The following NBEA variants were observed in gnomAD, a reference collection of about 807,000 sequenced individuals.
NBEA encodes the protein lysosomal-trafficking regulator 2.
A neutral mutation model predicts 343.4 loss-of-function variants in NBEA; 44 were observed. That is an observed-to-expected ratio of 0.13 (90% CI 0.10 to 0.16). The LOEUF is 0.16. Ranked by LOEUF, NBEA falls within the 10% of genes least tolerant of loss-of-function variation. The probability of loss-of-function intolerance (pLI) is 1.00; values close to 1 mark genes in which losing one functional copy is unlikely to be tolerated. For missense variants in NBEA, 2,555 were observed against 3,631.3 expected (o/e 0.70, Z 7.62); for synonymous variants, 1,175 against 1,238.7 (o/e 0.95, Z 1.08).
At chr13:35,150,715 A>G (rs1593518027) in intron 18 of NBEA, among the ~76,000 whole-genome samples, 2 of 152,302 alleles carry the variant, frequency 1.3e-5, no homozygotes, top group East Asian at 1.9e-4. Context: ...CAGAATAAAT[A>G]TTACTACAAC....
intron 44 of NBEA, among the ~76,000 whole-genome samples, chr13:35,556,969 T>G (rs1436940531): frequency 6.6e-6 from 1 of 152,114 alleles, no homozygotes; most frequent in Non-Finnish European, 1.5e-5. Context: ...CTGTATTAGG[T>G]TTTTATATTA....
At chr13:34,993,038 T>C (rs954995014) in intron 1 of NBEA, among the ~76,000 whole-genome samples, 1 of 152,130 alleles carries the variant, frequency 6.6e-6, no homozygotes, top group East Asian at 1.9e-4. Flanking sequence ...CCAATGAGTC[T>C]CATCTCCTGC....
At chr13:35,409,203 A>G (rs989438590) in intron 38 of NBEA, among the ~76,000 whole-genome samples, 3 of 152,188 alleles carry the variant, frequency 2.0e-5, no homozygotes, top group African/African-American at 7.2e-5. Flanking sequence ...GGGGACTTCG[A>G]TAGAGCTGGA....
intron 41 of NBEA, among the ~76,000 whole-genome samples, chr13:35,481,553 A>G (rs1290135437): frequency 2.0e-5 from 3 of 151,916 alleles, no homozygotes; most frequent in African/African-American, 4.8e-5. Context: ...ATTTAAGGAC[A>G]ATGAAGTTAG....
At chr13:35,584,188 A>G (rs968647171) in intron 46 of NBEA, 150 bp downstream of exon 46, 21 of 879,342 alleles carry the variant, frequency 2.4e-5, no homozygotes, top group Middle Eastern at 2.6e-4. Context: ...GCAAAATATG[A>G]ATTTTTTTTA....
chr13:35,119,151 G>T (rs573574942), intron 16 of NBEA, among the ~76,000 whole-genome samples: 1 of 152,290 alleles, frequency 6.6e-6, no homozygotes, highest in Non-Finnish European at 1.5e-5. Flanking sequence ...CAATTGAAAT[G>T]TAACTTGGTA....
intron 10 of NBEA, among the ~76,000 whole-genome samples, chr13:35,093,682 G>A (rs1229924582): frequency 6.6e-6 from 1 of 151,918 alleles, no homozygotes; most frequent in African/African-American, 2.4e-5. Flanking sequence ...TAGAACTTAA[G>A]TTCTCCTTAG....
chr13:35,229,639 T>G (rs2074858471), intron 33 of NBEA, among the ~76,000 whole-genome samples: 1 of 152,260 alleles, frequency 6.6e-6, no homozygotes, highest in East Asian at 1.9e-4. Flanking sequence ...AAAAGGAGTT[T>G]TACATTGTGT....
intron 24 of NBEA, chr13:35,165,039 T>G: frequency 1.9e-6 from 1 of 532,448 alleles, no homozygotes; most frequent in Non-Finnish European, 3.9e-6. Context: ...GCAGACTCCA[T>G]AGCTACTTGC....
chr13:35,543,457 A>G (rs2078924086), intron 41 of NBEA, among the ~76,000 whole-genome samples: 1 of 152,226 alleles, frequency 6.6e-6, no homozygotes, highest in South Asian at 2.1e-4. Context: ...CTCTCAATTG[A>G]CAGCCCATTT....
chr13:35,208,697 C>A lies in NBEA; in HGVS notation c.5367-3C>A. The A allele has an allele frequency of 6.5e-7, 1 of 1,548,500 alleles. No homozygotes were observed. The highest frequency in any genetic ancestry group is 1.9e-5 in the Admixed American group (1 of 52,500). On this transcript the variant is annotated splice_polypyrimidine_tract_variant and splice_region_variant and intron_variant, in intron 31 of 58. Transcript: ENST00000379939. Reference sequence around the variant, plus strand: ...TTATTTTCAATCCTTCATTTCTTTGCAGGAGTGTTGTGGTGCCTGTAAAGA... The same window carrying A: ...TTATTTTCAATCCTTCATTTCTTTGAAGGAGTGTTGTGGTGCCTGTAAAGA...
chr13:35,058,906 G>C (rs1193358867), intron 8 of NBEA, 43 bp downstream of exon 8: 1 of 1,468,964 alleles, frequency 6.8e-7, no homozygotes, highest in Non-Finnish European at 9.2e-7. Flanking sequence ...GAGAGTTTTA[G>C]ATGTAAAATG....
At chr13:35,179,893 C>A in intron 28 of NBEA, 3 of 647,492 alleles carry the variant, frequency 4.6e-6, no homozygotes, top group Non-Finnish European at 5.8e-6. Flanking sequence ...TTTATTGTAT[C>A]ATCATTGTAG....
intron 33 of NBEA, among the ~76,000 whole-genome samples, chr13:35,219,667 C>A (rs779948990): frequency 5.3e-5 from 8 of 152,036 alleles, no homozygotes; most frequent in Admixed American, 2.0e-4. Flanking sequence ...TAGTTCTAAT[C>A]AAAGTACCAA....
chr13:35,429,896 C>T (rs2044986340), intron 38 of NBEA, among the ~76,000 whole-genome samples: 1 of 150,346 alleles, frequency 6.7e-6, no homozygotes, highest in Non-Finnish European at 1.5e-5. Context: ...TGTATTTTTG[C>T]AATTGCAAAT....
intron 40 of NBEA, among the ~76,000 whole-genome samples, chr13:35,457,247 G>GC (rs1486797507): frequency 6.6e-6 from 1 of 151,104 alleles, no homozygotes; most frequent in Admixed American, 6.9e-5. Context: ...TTTTGTGTTA[G>GC]CATTTTTTTT....
At chr13:35,608,378 G>A (rs1363384161) in intron 48 of NBEA, among the ~76,000 whole-genome samples, 1 of 152,012 alleles carries the variant, frequency 6.6e-6, no homozygotes, top group Non-Finnish European at 1.5e-5. Context: ...ATATACTTCT[G>A]AAAATTTCTG....
At chr13:35,423,470 C>G (rs1050181373) in intron 38 of NBEA, among the ~76,000 whole-genome samples, 3 of 152,046 alleles carry the variant, frequency 2.0e-5, no homozygotes, top group African/African-American at 7.2e-5. Context: ...AGATATGCGT[C>G]ATTATTTCTG....
At position 35,258,565 on chromosome 13, in the gene NBEA, G is replaced by T. The variant is rs543125589; in HGVS notation, c.5776+25946G>T. Among the ~76,000 whole-genome samples, 7 of 151,730 alleles carry T rather than the reference G, an allele frequency of 4.6e-5. No individual in the cohort carries two copies. The South Asian group carries it at 1.5e-3, about 32-fold the overall frequency. On this transcript the variant is annotated intron_variant, in intron 34 of 58. Transcript: ENST00000379939. Reference sequence around the variant, plus strand: ...TAAAAAAAAAACAGTGGCAGAATAGGTTTAGCCCATCCATAGACTACAGTT... The same window carrying T: ...TAAAAAAAAAACAGTGGCAGAATAGTTTTAGCCCATCCATAGACTACAGTT...
Sources: allele counts gnomAD v4.1 joint callset (sites outside exome capture counted in the v4.1 genomes callset), GRCh38; gene constraint gnomAD v4.1.1; transcripts MANE v1.5; gene names NCBI Gene and HGNC (gene_info 2026-07-23, HGNC 2026-07-21).